Variants in FCRL5 observed in about 807,000 individuals in gnomAD.
FCRL5 encodes the protein Fc receptor-like protein 5.
FCRL5 carries 79 observed loss-of-function variants against 92.1 expected under a neutral mutation model. That is an observed-to-expected ratio of 0.86 (90% confidence interval 0.72 to 1.03). FCRL5 has a LOEUF of 1.03. FCRL5 is among the 50% of genes least tolerant of loss of function. FCRL5 has a pLI of 0.00. For synonymous variants in FCRL5, 466 were observed against 469.3 expected (o/e 0.99, Z 0.09); for missense variants, 1,160 against 1,181.1 (o/e 0.98, Z 0.26).
At chr1:157,550,719 T>C (rs999068902) in intron 1 of FCRL5, among the ~76,000 whole-genome samples, 6 of 152,202 alleles carry the variant, frequency 3.9e-5, no homozygotes, top group African/African-American at 1.4e-4. Flanking sequence ...AATATATTTG[T>C]GTTGTATAAT....
intron 1 of FCRL5, among the ~76,000 whole-genome samples, chr1:157,550,168 G>T (rs977304946): frequency 6.6e-6 from 1 of 152,156 alleles, no homozygotes; most frequent in African/African-American, 2.4e-5. Context: ...AACTGGGAGT[G>T]TTGGGGGAAA....
At chr1:157,551,570 C>T (rs1457142396) in intron 1 of FCRL5, among the ~76,000 whole-genome samples, 9 of 152,172 alleles carry the variant, frequency 5.9e-5, no homozygotes, top group Non-Finnish European at 2.9e-5. Flanking sequence ...TGCTGGGAGC[C>T]CTTCTATGTC....
intron 11 of FCRL5, 22 bp from the exon 12 acceptor site, chr1:157,520,569 T>G: frequency 6.4e-7 from 1 of 1,563,078 alleles, no homozygotes; most frequent in Non-Finnish European, 8.7e-7. Flanking sequence ...ACCCTGTGTG[T>G]GAGCCAGAGG....
intron 9 of FCRL5, 56 bp from the exon 10 acceptor site, chr1:157,524,613 T>C (rs1161688469): frequency 6.7e-6 from 10 of 1,496,244 alleles, no homozygotes; most frequent in East Asian, 4.6e-5. Context: ...TATTCCTTCA[T>C]GCTAAAGACA....
chr1:157,524,728 C>T (rs920369937), intron 9 of FCRL5, among the ~76,000 whole-genome samples, 171 bp from the exon 10 acceptor site: 2 of 152,170 alleles, frequency 1.3e-5, no homozygotes, highest in Non-Finnish European at 2.9e-5. Context: ...TTGTGTAGTG[C>T]TATAAACAGC....
chr1:157,548,398 C>A (rs964830798), intron 2 of FCRL5, among the ~76,000 whole-genome samples: 3 of 152,098 alleles, frequency 2.0e-5, no homozygotes, highest in African/African-American at 4.8e-5. Flanking sequence ...TCTAAAACAC[C>A]AAAAGCAATG....
chr1:157,534,595 G>A lies in FCRL5; in HGVS notation c.1681+19C>T. ...GAACTCAGCCAGGGGTGGGTGACTG[G>A]CAAGAACCCAGCACTTACCAGTGAC... is the stretch of plus-strand genomic sequence containing the variant. On this transcript the variant is annotated intron_variant, in intron 8 of 16. Transcript: ENST00000361835. 6.2e-7 allele frequency: 1 copy of A among 1,614,062 alleles called. No homozygotes were observed. Among genetic ancestry groups the A allele is most frequent in the Non-Finnish European group, 8.5e-7 (1 of 1,179,984 alleles).
At chr1:157,520,652 G>A in intron 11 of FCRL5, 105 bp from the exon 12 acceptor site, 1 of 800,250 alleles carries the variant, frequency 1.2e-6, no homozygotes, top group Non-Finnish European at 2.0e-6. Context: ...AGGTGAGCAG[G>A]TCCCCGGCAG....
chr1:157,519,484 A>G (rs1447338731), intron 13 of FCRL5, among the ~76,000 whole-genome samples: 1 of 152,200 alleles, frequency 6.6e-6, no homozygotes, highest in Non-Finnish European at 1.5e-5. Flanking sequence ...CAAGCCAACA[A>G]TGGTCCAAGG....
In FCRL5 at chr1:157,545,028, A is replaced by G. The variant is rs1651463296; in HGVS notation, c.362T>C (p.Leu121Pro). The change falls in exon 4 of 17, where the codon CTG becomes CCG. Residue 121 changes from leucine (L) to proline (P), a missense_variant. Transcript: ENST00000361835. ...LSVFEGDSVVLRCRAKAEVTL... is the reference protein window; with the variant it reads ...LSVFEGDSVVPRCRAKAEVTL... ...TACTTCCGCCTTTGCCCGGCACCTC[A>G]GAACCACAGAGTCTCCTTCAAACAC... The G allele has an allele frequency of 6.2e-7, 1 of 1,613,200 alleles. No homozygotes were observed. The highest frequency in any genetic ancestry group is 1.7e-5 in the Admixed American group (1 of 60,010).
intron 10 of FCRL5, chr1:157,521,985 G>A (rs1188545632): frequency 1.3e-5 from 2 of 152,162 alleles, no homozygotes; most frequent in Admixed American, 1.3e-4. Context: ...CTACTGGATT[G>A]GGTAATGAAA....
chr1:157,520,482 C>G lies in FCRL5; in HGVS notation c.2581G>C (p.Gly861Arg), dbSNP rs777205303. The G allele has an allele frequency of 1.3e-6, 2 of 1,575,354 alleles. No homozygotes were observed. The highest frequency in any genetic ancestry group is 1.7e-6 in the Non-Finnish European group (2 of 1,160,140). ...AGCAGCAGTGCCCCCGCAGCAAGGCCTGCTATGCTGAGCAGGCCCCCGGCG... is the reference window on the plus strand; with the variant it reads ...AGCAGCAGTGCCCCCGCAGCAAGGCGTGCTATGCTGAGCAGGCCCCCGGCG... ...GVAGGLLSIA[G>R]LAAGALLLYC... Residue 861 changes from glycine (G) to arginine (R), a missense_variant, in exon 12 of 17, where the codon GGC becomes CGC. Physicochemically the swap from Gly to Arg is moderately radical, Grantham distance 125. Coordinates refer to ENST00000361835, the MANE Select transcript of FCRL5 (RefSeq NM_031281.3).
intron 7 of FCRL5, among the ~76,000 whole-genome samples, chr1:157,538,661 T>C (rs1651094435): frequency 6.6e-6 from 1 of 152,230 alleles, no homozygotes; most frequent in South Asian, 2.1e-4. Context: ...GTGTCTTACA[T>C]GACTTTGCAT....
intron 6 of FCRL5, among the ~76,000 whole-genome samples, chr1:157,541,420 C>T (rs1651255085): frequency 6.6e-6 from 1 of 152,256 alleles, no homozygotes; most frequent in Non-Finnish European, 1.5e-5. Context: ...CAAGCCCTTA[C>T]TCTGCTTCTA....
intron 8 of FCRL5, among the ~76,000 whole-genome samples, chr1:157,531,213 GA>G (rs1650680954): frequency 6.6e-6 from 1 of 152,050 alleles, no homozygotes; most frequent in African/African-American, 2.4e-5. Flanking sequence ...ACAGGTACAT[GA>G]AAAAAATGGT....
chr1:157,520,103 A>G (rs1312487560), intron 12 of FCRL5, among the ~76,000 whole-genome samples: 1 of 152,080 alleles, frequency 6.6e-6, no homozygotes, highest in Non-Finnish European at 1.5e-5. Flanking sequence ...TCTGGTTTCT[A>G]TTTTCATTTC....
Position 157,515,494 on chromosome 1 carries a change from A to G in FCRL5, c.*181T>C, listed in dbSNP as rs146800198. On this transcript the variant is annotated 3_prime_UTR_variant, in exon 17 of 17. Transcript: ENST00000361835. ...CCTGCCAGTCAGGGCTTTAACTGGG[A>G]AACAGGTGACAGTCCAGCAGGGCCC... The G allele has an allele frequency of 1.0e-3, 1,422 of 1,355,362 alleles. 11 individuals are homozygous for G. In the African/African-American group the frequency reaches 0.017, roughly 16 times the overall value. The allele number at this position is 1,355,362 out of a possible 1,614,324, so 84.0% of individuals were successfully genotyped here.
chr1:157,551,312 C>T (rs1651801077), intron 1 of FCRL5, among the ~76,000 whole-genome samples: 1 of 152,192 alleles, frequency 6.6e-6, no homozygotes. Flanking sequence ...TGTGGGGCCA[C>T]ACTGAGATGT....
At chr1:157,523,185 A>G (rs1401080885) in intron 10 of FCRL5, among the ~76,000 whole-genome samples, 1 of 152,238 alleles carries the variant, frequency 6.6e-6, no homozygotes, top group East Asian at 1.9e-4. Flanking sequence ...GCCAAAGGGA[A>G]TAAGAGCATC....
Sources: gnomAD v4.1 joint callset for allele counts (sites outside exome capture counted in the v4.1 genomes callset) on GRCh38, gnomAD v4.1.1 for gene constraint, MANE v1.5 for transcripts, NCBI Gene and HGNC (gene_info 2026-07-23, HGNC 2026-07-21) for gene names.